The following PDGFC variants were observed in gnomAD, a reference collection of about 807,000 sequenced individuals.
The protein encoded by PDGFC is platelet derived growth factor C.
In PDGFC, 12 loss-of-function variants were observed where a neutral mutation model predicts 35.5. The ratio of observed to expected loss-of-function variants is 0.34; its 90% CI spans 0.22 to 0.55. PDGFC has a LOEUF of 0.55. Ranked by LOEUF, PDGFC falls within the 20% of genes least tolerant of loss-of-function variation. PDGFC has a pLI of 0.91. For synonymous variants in PDGFC, 159 were observed against 148.8 expected (o/e 1.07, Z -0.50); for missense variants, 322 against 412.4 (o/e 0.78, Z 1.90).
chr4:156,796,155 AG>A (rs1731434923), intron 3 of PDGFC, among the ~76,000 whole-genome samples: 1 of 152,172 alleles, frequency 6.6e-6, no homozygotes, highest in African/African-American at 2.4e-5. Flanking sequence ...CACCTACTTC[AG>A]AAAAAAAGTT....
At chr4:156,946,629 C>T (rs972637232) in intron 1 of PDGFC, among the ~76,000 whole-genome samples, 1 of 152,000 alleles carries the variant, frequency 6.6e-6, no homozygotes, top group Non-Finnish European at 1.5e-5. Context: ...TATTTATCAT[C>T]AAGACCACAG....
At chr4:156,791,044 C>T (rs185280572) in intron 3 of PDGFC, among the ~76,000 whole-genome samples, 41 of 152,214 alleles carry the variant, frequency 2.7e-4, no homozygotes, top group South Asian at 8.3e-4. Flanking sequence ...CTTAGGGCTG[C>T]GGCTCTCTGG....
chr4:156,892,038 C>A (rs192715391), intron 1 of PDGFC, among the ~76,000 whole-genome samples: 1 of 152,172 alleles, frequency 6.6e-6, no homozygotes, highest in Non-Finnish European at 1.5e-5. Flanking sequence ...GAGCCACAGG[C>A]TTCAGGTCAA....
At chr4:156,777,799 A>T (rs927404710) in intron 3 of PDGFC, among the ~76,000 whole-genome samples, 1 of 152,166 alleles carries the variant, frequency 6.6e-6, no homozygotes, top group African/African-American at 2.4e-5. Flanking sequence ...ACAAGCATTT[A>T]TTTAAAAACC....
At chr4:156,771,398 C>T (rs1223694585) in intron 4 of PDGFC, among the ~76,000 whole-genome samples, 1 of 152,170 alleles carries the variant, frequency 6.6e-6, no homozygotes, top group East Asian at 1.9e-4. Flanking sequence ...TTCAGCTAGT[C>T]TTGCAGATCT....
intron 3 of PDGFC, among the ~76,000 whole-genome samples, chr4:156,796,872 C>A (rs1336998473): frequency 6.6e-6 from 1 of 152,050 alleles, no homozygotes; most frequent in Non-Finnish European, 1.5e-5. Context: ...ACATATAACT[C>A]TAAGTCAAAT....
intron 2 of PDGFC, among the ~76,000 whole-genome samples, chr4:156,835,335 T>C (rs776490765): frequency 3.9e-4 from 60 of 152,204 alleles, no homozygotes; most frequent in Non-Finnish European, 6.8e-4. Context: ...TTGTTGGGAA[T>C]GTCAATTAGT....
chr4:156,953,489 C>T (rs1327611456), intron 1 of PDGFC, among the ~76,000 whole-genome samples: 1 of 151,884 alleles, frequency 6.6e-6, no homozygotes, highest in Non-Finnish European at 1.5e-5. Flanking sequence ...ATTTATATTG[C>T]TGTACAAGTG....
At chr4:156,961,762 G>C (rs1055169967) in intron 1 of PDGFC, among the ~76,000 whole-genome samples, 3 of 152,076 alleles carry the variant, frequency 2.0e-5, no homozygotes, top group African/African-American at 7.2e-5. Flanking sequence ...CAGTGTCCTG[G>C]AAGCTGCCTC....
intron 1 of PDGFC, among the ~76,000 whole-genome samples, chr4:156,936,126 A>T (rs1482164471): frequency 6.6e-6 from 1 of 152,216 alleles, no homozygotes; most frequent in Non-Finnish European, 1.5e-5. Flanking sequence ...ACACCTTGCT[A>T]CTTGCTAGCT....
At chr4:156,807,643 A>G (rs1731804465) in intron 3 of PDGFC, among the ~76,000 whole-genome samples, 1 of 152,024 alleles carries the variant, frequency 6.6e-6, no homozygotes, top group Admixed American at 6.6e-5. Flanking sequence ...TAACTAATGT[A>G]TTAAAACTCT....
At chr4:156,774,808 G>A (rs1031205075) in intron 3 of PDGFC, among the ~76,000 whole-genome samples, 2 of 151,874 alleles carry the variant, frequency 1.3e-5, no homozygotes, top group Admixed American at 6.6e-5. Context: ...CCACTCAGCT[G>A]TTACTCCTTT....
In PDGFC at chr4:156,807,697, T is replaced by C. The variant is rs114601477; in HGVS notation, c.495+3140A>G. Among the ~76,000 whole-genome samples, 500 of 152,146 alleles carry C rather than the reference T, an allele frequency of 3.3e-3. 4 individuals are homozygous for C. The highest frequency in any genetic ancestry group is 0.012 in the African/African-American group (482 of 41,542). Reference sequence around the variant, plus strand: ...AATCAGAACCAAGGAGTCTTAACTGTTGACCAGAACCCGATATCCATTTAT... The same window carrying C: ...AATCAGAACCAAGGAGTCTTAACTGCTGACCAGAACCCGATATCCATTTAT... On this transcript the variant is annotated intron_variant, in intron 3 of 5. Transcript: ENST00000502773.
chr4:156,898,878 A>T (rs958642927), intron 1 of PDGFC, among the ~76,000 whole-genome samples: 1 of 152,152 alleles, frequency 6.6e-6, no homozygotes. Flanking sequence ...GCTGGTCTTG[A>T]TCACCTGAGC....
intron 3 of PDGFC, among the ~76,000 whole-genome samples, chr4:156,784,575 G>C (rs1039433806): frequency 2.0e-5 from 3 of 151,898 alleles, no homozygotes; most frequent in Admixed American, 1.3e-4. Context: ...AAGTTTGGCA[G>C]GGAGAAAAAA....
At chr4:156,772,920 A>C in intron 3 of PDGFC, 27 bp from the exon 4 acceptor site, 1 of 1,525,306 alleles carries the variant, frequency 6.6e-7, no homozygotes, top group South Asian at 1.1e-5. Context: ...TCCTGTGTTA[A>C]CTGTTTTAAA....
At chr4:156,951,142 A>C (rs916773562) in intron 1 of PDGFC, among the ~76,000 whole-genome samples, 4 of 151,902 alleles carry the variant, frequency 2.6e-5, no homozygotes, top group South Asian at 2.1e-4. Context: ...TAGATCCTGA[A>C]GATAAAGCAG....
chr4:156,799,121 G>A (rs1346483041), intron 3 of PDGFC, among the ~76,000 whole-genome samples: 1 of 152,110 alleles, frequency 6.6e-6, no homozygotes, highest in East Asian at 1.9e-4. Context: ...AAGAACCTAA[G>A]ATAATTCATG....
At chr4:156,799,137 C>T (rs1422477950) in intron 3 of PDGFC, among the ~76,000 whole-genome samples, 1 of 152,144 alleles carries the variant, frequency 6.6e-6, no homozygotes, top group Non-Finnish European at 1.5e-5. Context: ...TCATGTACTC[C>T]TTTAAAGCAA....
Sources: allele counts gnomAD v4.1 joint callset (sites outside exome capture counted in the v4.1 genomes callset), GRCh38; gene constraint gnomAD v4.1.1; transcripts MANE v1.5; gene names NCBI Gene and HGNC (gene_info 2026-07-23, HGNC 2026-07-21).